Variants in HADHB observed in about 807,000 individuals in gnomAD.
The protein encoded by HADHB is hydroxyacyl-CoA dehydrogenase trifunctional multienzyme complex subunit beta.
HADHB carries 50 observed loss-of-function variants against 61.9 expected under a neutral mutation model. That is an observed-to-expected ratio of 0.81 (90% CI 0.64 to 1.02). The LOEUF (loss-of-function observed/expected upper bound fraction) is 1.02. Ranked by LOEUF, HADHB falls within the 50% of genes least tolerant of loss-of-function variation. The pLI is 0.00. For synonymous variants in HADHB, 191 were observed against 201.6 expected, an observed-to-expected ratio of 0.95 and a Z score of 0.45; for missense variants, 504 against 586.5, an observed-to-expected ratio of 0.86 and a Z score of 1.45.
At chr2:26,270,497 G>C (rs1672291496) in intron 5 of HADHB, among the ~76,000 whole-genome samples, 1 of 151,792 alleles carries the variant, frequency 6.6e-6, no homozygotes, top group African/African-American at 2.4e-5. Flanking sequence ...ACCAGCCACA[G>C]TTCTTTCTTA....
intron 4 of HADHB, among the ~76,000 whole-genome samples, 192 bp from the exon 5 acceptor site, chr2:26,269,761 T>G (rs1672262275): frequency 6.6e-6 from 1 of 152,216 alleles, no homozygotes; most frequent in African/African-American, 2.4e-5. Flanking sequence ...TAAGGCTTGC[T>G]AGACTTTTAA....
chr2:26,256,566 AGTT>A (rs1671620898), intron 3 of HADHB, among the ~76,000 whole-genome samples: 2 of 151,866 alleles, frequency 1.3e-5, no homozygotes, highest in Non-Finnish European at 2.9e-5. Flanking sequence ...CGTGTATAAT[AGTT>A]GTATAATACA....
At chr2:26,250,723 AAGC>A (rs1318234431) in intron 1 of HADHB, among the ~76,000 whole-genome samples, 1 of 151,360 alleles carries the variant, frequency 6.6e-6, no homozygotes, top group Non-Finnish European at 1.5e-5. Context: ...CAGGAGGCTG[AAGC>A]AGGAGGATCC....
chr2:26,256,459 G>A (rs1453211357), intron 3 of HADHB, among the ~76,000 whole-genome samples: 3 of 152,040 alleles, frequency 2.0e-5, no homozygotes, highest in East Asian at 1.9e-4. Flanking sequence ...GACTGGAAAT[G>A]TAAGTGTCTG....
intron 3 of HADHB, among the ~76,000 whole-genome samples, chr2:26,260,157 C>T (rs890421775): frequency 3.4e-5 from 5 of 147,696 alleles, no homozygotes; most frequent in Admixed American, 6.8e-5. Flanking sequence ...TCTCAGCTTA[C>T]GGCAACCTCC....
chr2:26,279,364 C>G, intron 9 of HADHB, 49 bp downstream of exon 9: 1 of 1,316,012 alleles, frequency 7.6e-7, no homozygotes, highest in Admixed American at 1.7e-5. Context: ...TGAATTGCTC[C>G]TAAAACTCAA....
At chr2:26,257,272 C>T (rs1223868133) in intron 3 of HADHB, among the ~76,000 whole-genome samples, 1 of 151,976 alleles carries the variant, frequency 6.6e-6, no homozygotes, top group Non-Finnish European at 1.5e-5. Context: ...AGGTGCCCGC[C>T]AACACACCTG....
chr2:26,285,739 G>T (rs1412606763), intron 15 of HADHB, among the ~76,000 whole-genome samples, 168 bp downstream of exon 15: 11 of 65,096 alleles, frequency 1.7e-4, no homozygotes, highest in African/African-American at 2.6e-4. Context: ...TGTTTTTTGG[G>T]TTTTTTTTTT....
intron 4 of HADHB, among the ~76,000 whole-genome samples, chr2:26,266,871 CAAAAA>C (rs56401595): frequency 0.06 from 2,721 of 45,388 alleles, 54 homozygotes; most frequent in Non-Finnish European, 0.083. Context: ...CACTCTCTCT[CAAAAA>C]AAAAAAAAAA....
At chr2:26,282,487 C>T (rs868491688) in intron 10 of HADHB, among the ~76,000 whole-genome samples, 2 of 152,134 alleles carry the variant, frequency 1.3e-5, no homozygotes, top group East Asian at 1.9e-4. Context: ...GTCTCAATCA[C>T]CTGCCTCATG....
In HADHB at chr2:26,273,217, A is replaced by T. The variant is rs368958473; in HGVS notation, c.255-434A>T. On this transcript the variant is annotated intron_variant, in intron 5 of 15. Transcript: ENST00000317799. Reference sequence around the variant, plus strand: ...TTATTTCAATCATTTGTTGATACTGATATTTCAAACTAAAATTTAACATAC... The same window carrying T: ...TTATTTCAATCATTTGTTGATACTGTTATTTCAAACTAAAATTTAACATAC... Among the ~76,000 whole-genome samples, 443 of 151,870 alleles carry T rather than the reference A, an allele frequency of 2.9e-3. 2 individuals are homozygous for T. The highest frequency in any genetic ancestry group is 0.014 in the Middle Eastern group (4 of 294).
intron 1 of HADHB, chr2:26,245,371 G>A (rs1171711356): frequency 6.5e-6 from 1 of 152,794 alleles, no homozygotes; most frequent in Non-Finnish European, 1.5e-5. Flanking sequence ...CCTGTACCCA[G>A]GTCGGCGGCT....
intron 1 of HADHB, among the ~76,000 whole-genome samples, chr2:26,253,853 CAAAAAAATAAAT>C (rs1421942022): frequency 5.0e-4 from 38 of 75,758 alleles, no homozygotes; most frequent in African/African-American, 1.5e-3. Flanking sequence ...AACTCCATCT[CAAAAAAATAAAT>C]AAATAAATAA....
At chr2:26,248,281 G>A in intron 1 of HADHB, among the ~76,000 whole-genome samples, 1 of 152,020 alleles carries the variant, frequency 6.6e-6, no homozygotes, top group East Asian at 1.9e-4. Flanking sequence ...TCCATGGTGT[G>A]TTTATACTAT....
At chr2:26,263,358 G>T in intron 3 of HADHB, 22 bp from the exon 4 acceptor site, 5 of 1,369,412 alleles carry the variant, frequency 3.7e-6, no homozygotes, top group African/African-American at 1.4e-5. Context: ...AGTAGTTTTT[G>T]TTTTTAAACT....
intron 4 of HADHB, among the ~76,000 whole-genome samples, chr2:26,268,537 T>A (rs1672197413): frequency 6.6e-6 from 1 of 152,200 alleles, no homozygotes. Flanking sequence ...ATGTGCCCCC[T>A]GATACGAAGC....
chr2:26,265,958 T>C (rs1376943354), intron 4 of HADHB, among the ~76,000 whole-genome samples: 1 of 151,968 alleles, frequency 6.6e-6, no homozygotes, highest in Non-Finnish European at 1.5e-5. Flanking sequence ...TCCAGCGCTT[T>C]GGGAGGCGGA....
chr2:26,280,327 A>G (rs1444847076), intron 10 of HADHB, among the ~76,000 whole-genome samples: 1 of 152,174 alleles, frequency 6.6e-6, no homozygotes, highest in Non-Finnish European at 1.5e-5. Flanking sequence ...TTCTGCCACA[A>G]AAGCTCTTCC....
intron 1 of HADHB, chr2:26,245,232 A>T (rs2147790898): frequency 5.7e-6 from 1 of 175,020 alleles, no homozygotes; most frequent in East Asian, 1.4e-4. Context: ...CTAATTTATC[A>T]TCACAAGTTA....
Sources: gnomAD v4.1 joint callset for allele counts (sites outside exome capture counted in the v4.1 genomes callset) on GRCh38, gnomAD v4.1.1 for gene constraint, MANE v1.5 for transcripts, NCBI Gene and HGNC (gene_info 2026-07-23, HGNC 2026-07-21) for gene names.